Variants in EXOC3L2 observed in about 807,000 individuals in gnomAD.
EXOC3L2 encodes exocyst complex component 3-like protein 2.
A neutral mutation model predicts 44.4 loss-of-function variants in EXOC3L2; 17 were observed. That is an observed-to-expected ratio of 0.38 (90% CI 0.26 to 0.57). The LOEUF is 0.57. Ranked by LOEUF, EXOC3L2 falls within the 20% of genes least tolerant of loss-of-function variation. The pLI is 0.65. For missense variants in EXOC3L2, 541 were observed against 588.4 expected, an observed-to-expected ratio of 0.92 and a Z score of 0.83; for synonymous variants, 256 against 253.7, an observed-to-expected ratio of 1.01 and a Z score of -0.09.
intron 3 of EXOC3L2, 68 bp from the exon 4 acceptor site, chr19:45,231,942 CA>C: frequency 1.0e-6 from 1 of 980,946 alleles, no homozygotes. Context: ...ACCTTCCCCA[CA>C]CCCTCCTACC....
intron 4 of EXOC3L2, among the ~76,000 whole-genome samples, chr19:45,230,344 G>C (rs987114114): frequency 6.6e-6 from 1 of 152,082 alleles, no homozygotes; most frequent in Non-Finnish European, 1.5e-5. Context: ...TCAGCCTCCA[G>C]AGTAGCTGGG....
chr19:45,225,287 G>T (rs10411235), intron 7 of EXOC3L2, among the ~76,000 whole-genome samples: 12,443 of 130,388 alleles, frequency 0.095, 685 homozygotes, highest in African/African-American at 0.18. Context: ...TTTTTTTTTT[G>T]AGACGGAGTC....
intron 11 of EXOC3L2, among the ~76,000 whole-genome samples, chr19:45,213,698 AC>A (rs369123087): frequency 1.0e-3 from 157 of 152,136 alleles, no homozygotes; most frequent in African/African-American, 3.6e-3. Context: ...TAATCCCAGC[AC>A]TTTGGGGGGC....
At chr19:45,216,337 A>G in intron 10 of EXOC3L2, 143 bp from the exon 11 acceptor site, 2 of 1,192,142 alleles carry the variant, frequency 1.7e-6, no homozygotes, top group Non-Finnish European at 2.3e-6. Context: ...GCACTTTGGG[A>G]GGAGGCCGAG....
Position 45,234,289 on chromosome 19 carries a change from C to T in EXOC3L2, c.1061G>A (p.Gly354Glu). The T allele has an allele frequency of 2.5e-6, 1 of 392,908 alleles. No individual in the cohort carries two copies. Among genetic ancestry groups the T allele is most frequent in the South Asian group, 1.3e-4 (1 of 7,814 alleles). 24.3% of individuals were successfully genotyped at this position (392,908 alleles called of 1,614,324 possible). Residue 354 changes from glycine to glutamate, a missense_variant, in exon 3 of 12, where the codon GGG (glycine) becomes GAG (glutamate). Gly to Glu is a moderately conservative substitution (Grantham distance 98). Coordinates refer to ENST00000413988, the MANE Select transcript of EXOC3L2 (RefSeq NM_001382422.1). The surrounding 1 kb of genome is among the most constrained non-coding windows in gnomAD (Gnocchi z 5.0). ...AFGVYLRGYHGALAEWLGASA... is the reference protein window; with the variant it reads ...AFGVYLRGYHEALAEWLGASA... ...GGCCCCCAGCCACTCGGCCAGGGCCCCGTGGTAGCCGCGCAGGTAGACGCC... is the reference window on the plus strand; with the variant it reads ...GGCCCCCAGCCACTCGGCCAGGGCCTCGTGGTAGCCGCGCAGGTAGACGCC...
chr19:45,232,502 C>T (rs1970042132), intron 3 of EXOC3L2, among the ~76,000 whole-genome samples: 1 of 152,148 alleles, frequency 6.6e-6, no homozygotes, highest in Non-Finnish European at 1.5e-5. Flanking sequence ...GTATCTGTTG[C>T]CTTCCCAGTC....
At chr19:45,228,709 T>C (rs1462793785) in intron 4 of EXOC3L2, among the ~76,000 whole-genome samples, 1 of 150,454 alleles carries the variant, frequency 6.6e-6, no homozygotes, top group East Asian at 1.9e-4. Flanking sequence ...GAGACAGAGG[T>C]TGCAGTGAGT....
intron 8 of EXOC3L2, among the ~76,000 whole-genome samples, chr19:45,219,140 G>A (rs1394011539): frequency 6.6e-6 from 1 of 151,112 alleles, no homozygotes; most frequent in African/African-American, 2.4e-5. Flanking sequence ...TTGAACCTAG[G>A]AGGTGGAGGT....
chr19:45,225,385 C>T (rs1035670420), intron 7 of EXOC3L2, among the ~76,000 whole-genome samples: 2 of 151,892 alleles, frequency 1.3e-5, no homozygotes, highest in Non-Finnish European at 1.5e-5. Flanking sequence ...TCTCCTGCCT[C>T]GGCCTTCCGA....
chr19:45,228,214 C>A lies in EXOC3L2; in HGVS notation c.1322G>T (p.Trp441Leu), dbSNP rs373517053. 1.9e-6 allele frequency: 3 copies of A among 1,614,156 alleles called. No homozygotes were observed. The highest frequency in any genetic ancestry group is 2.5e-6 in the Non-Finnish European group (3 of 1,180,028). Reference protein sequence around the residue: ...LRVLQEDEEHWGSLEDQPSSL... With the variant: ...LRVLQEDEEHLGSLEDQPSSL... Reference sequence around the variant, plus strand: ...GCTGGGCTGGTCCTCCAGGCTCCCCCAGTGCTCTTCGTCCTCCTGCAGCAC... The same window carrying A: ...GCTGGGCTGGTCCTCCAGGCTCCCCAAGTGCTCTTCGTCCTCCTGCAGCAC... The change falls in exon 5 of 12, where the codon TGG becomes TTG. Residue 441 changes from tryptophan (W) to leucine (L), a missense_variant. Coordinates refer to ENST00000413988, the MANE Select transcript of EXOC3L2 (RefSeq NM_001382422.1).
intron 8 of EXOC3L2, among the ~76,000 whole-genome samples, chr19:45,221,550 T>C (rs575020156): frequency 4.6e-5 from 7 of 151,428 alleles, no homozygotes; most frequent in Middle Eastern, 6.9e-3. Flanking sequence ...GGTTTCACCG[T>C]GTTGGCCAGG....
At chr19:45,229,879 T>G (rs1970011492) in intron 4 of EXOC3L2, among the ~76,000 whole-genome samples, 1 of 107,672 alleles carries the variant, frequency 9.3e-6, no homozygotes, top group African/African-American at 5.8e-5. Context: ...TAAATAAAGC[T>G]ATAATATAAT....
At chr19:45,233,220 T>C (rs1970048951) in intron 3 of EXOC3L2, among the ~76,000 whole-genome samples, 1 of 151,702 alleles carries the variant, frequency 6.6e-6, no homozygotes, top group Admixed American at 6.6e-5. Context: ...CGTCTCAAAA[T>C]AAATAAATAA....
rs1287946879 is a variant in EXOC3L2 at position 45,238,337 on chromosome 19, G to A, written c.523+186C>T. On this transcript the variant is annotated intron_variant, in intron 2 of 11. Transcript: ENST00000413988. This position sits in a 1 kb window ranked among gnomAD's most constrained non-coding sequence, Gnocchi z 5.5. ...GAGAAAGGTTGACGACAGGGATTAG[G>A]ACTGCAGTGGTAATGGGTTGGAGCT... Among the ~76,000 whole-genome samples, 1 of 152,112 alleles carries A rather than the reference G, an allele frequency of 6.6e-6. No homozygotes were observed. Among genetic ancestry groups the A allele is most frequent in the African/African-American group, 2.4e-5 (1 of 41,432 alleles).
At chr19:45,229,735 C>T (rs1970009724) in intron 4 of EXOC3L2, among the ~76,000 whole-genome samples, 1 of 149,730 alleles carries the variant, frequency 6.7e-6, no homozygotes. Flanking sequence ...ATCCCAGCTA[C>T]TTGGGAGGCT....
chr19:45,226,483 C>A (rs1373367348), intron 7 of EXOC3L2, among the ~76,000 whole-genome samples: 1 of 152,134 alleles, frequency 6.6e-6, no homozygotes, highest in Admixed American at 6.5e-5. Context: ...GTCACCCAGG[C>A]TGCAGTGCAG....
intron 7 of EXOC3L2, among the ~76,000 whole-genome samples, chr19:45,226,055 C>G (rs1969956704): frequency 6.6e-6 from 1 of 152,194 alleles, no homozygotes; most frequent in Non-Finnish European, 1.5e-5. Context: ...TTTTTAACAT[C>G]TGAACTGGAT....
chr19:45,229,581 T>G (rs346771), intron 4 of EXOC3L2, among the ~76,000 whole-genome samples: 2 of 148,626 alleles, frequency 1.3e-5, no homozygotes. Context: ...TGCGGTGGCT[T>G]ATGCCTGTAA....
In EXOC3L2 at chr19:45,234,169, C is replaced by A; in HGVS notation, c.1157+24G>T. On this transcript the variant is annotated intron_variant, in intron 3 of 11. Transcript: ENST00000413988. This position sits in a 1 kb window ranked among gnomAD's most constrained non-coding sequence, Gnocchi z 5.0. ...GGTAGGGCTGAGGGTTTCACGTGAC[C>A]TTGGGCAACTGAGTCCAGCTTACCT... 2.5e-6 allele frequency: 1 copy of A among 394,926 alleles called. No homozygotes were observed. Among genetic ancestry groups the A allele is most frequent in the South Asian group, 1.3e-4 (1 of 7,822 alleles). 24.5% of individuals were successfully genotyped at this position (394,926 alleles called of 1,614,324 possible). A position where few individuals can be genotyped will look rare whatever the true frequency, so the allele number is the denominator to read the frequency against.
Sources: gnomAD v4.1 joint callset for allele counts (sites outside exome capture counted in the v4.1 genomes callset) on GRCh38, gnomAD v4.1.1 for gene constraint, Gnocchi (gnomAD v3.1) non-coding constraint, MANE v1.5 for transcripts, NCBI Gene and HGNC (gene_info 2026-07-23, HGNC 2026-07-21) for gene names.